Variants in AUTS2 observed in about 807,000 individuals in gnomAD.
AUTS2 encodes activator of transcription and developmental regulator AUTS2, also known as autism susceptibility gene 2 protein.
AUTS2 carries 17 observed loss-of-function variants against 112.4 expected under a neutral mutation model. The observed-to-expected ratio is 0.15, with a 90% CI of 0.10 to 0.23. The LOEUF is 0.23. AUTS2 is among the 10% of genes least tolerant of loss of function. AUTS2 has a pLI of 1.00. For missense variants in AUTS2, 1,510 were observed against 1,701.6 expected (o/e 0.89, Z 1.98); for synonymous variants, 751 against 702.7 (o/e 1.07, Z -1.09).
chr7:70,110,245 G>T lies in AUTS2; in HGVS notation c.523-7887G>T, dbSNP rs981544715. Among the ~76,000 whole-genome samples, 9 of 152,242 alleles carry T rather than the reference G, an allele frequency of 5.9e-5. No individual in the cohort carries two copies. The East Asian group carries it at 1.7e-3, about 29-fold the overall frequency. ...TTAAATTTTATTAGGGCTGGGCGCAGTGGCTCACGCCAGTAATCCCAACAC... is the reference window on the plus strand; with the variant it reads ...TTAAATTTTATTAGGGCTGGGCGCATTGGCTCACGCCAGTAATCCCAACAC... On this transcript the variant is annotated intron_variant, in intron 2 of 18. Coordinates refer to ENST00000342771, the MANE Select transcript of AUTS2 (RefSeq NM_015570.4).
At chr7:69,647,363 T>A (rs1391730885) in intron 1 of AUTS2, among the ~76,000 whole-genome samples, 1 of 151,944 alleles carries the variant, frequency 6.6e-6, no homozygotes, top group African/African-American at 2.4e-5. Flanking sequence ...CTATCTTTTT[T>A]TTTTTTTTTA....
rs767268365 is a variant in AUTS2, at chr7:70,765,025, G to A, written c.1468+20G>A. 6.2e-7 allele frequency: 1 copy of A among 1,613,116 alleles called. No homozygotes were observed. Among genetic ancestry groups the A allele is most frequent in the African/African-American group, 1.3e-5 (1 of 74,962 alleles). ...ACTCAGGTAGGACGGAGGGGCCTGT[G>A]CTCGTGACCCCGACCCCCACCGCCC... On this transcript the variant is annotated intron_variant, in intron 8 of 18. Coordinates refer to ENST00000342771, the MANE Select transcript of AUTS2 (RefSeq NM_015570.4).
chr7:70,335,212 G>A (rs984534805), intron 4 of AUTS2, among the ~76,000 whole-genome samples: 12 of 152,088 alleles, frequency 7.9e-5, no homozygotes, highest in Non-Finnish European at 4.4e-5. Context: ...CATTATGTGT[G>A]TCCCCAAGCC....
At chr7:70,673,868 C>T (rs1043141274) in intron 5 of AUTS2, among the ~76,000 whole-genome samples, 1 of 152,166 alleles carries the variant, frequency 6.6e-6, no homozygotes, top group Non-Finnish European at 1.5e-5. Context: ...TTAGTAAGTG[C>T]TTCTGTGTTT....
chr7:69,792,814 A>G (rs1255714943), intron 1 of AUTS2, among the ~76,000 whole-genome samples: 2 of 152,116 alleles, frequency 1.3e-5, no homozygotes, highest in Non-Finnish European at 2.9e-5. Context: ...CCCTACTCAG[A>G]GACATTTCGG....
At chr7:70,450,767 G>C (rs1318445146) in intron 5 of AUTS2, among the ~76,000 whole-genome samples, 1 of 152,040 alleles carries the variant, frequency 6.6e-6, no homozygotes, top group African/African-American at 2.4e-5. Flanking sequence ...GATTTGAGAG[G>C]TGATAGAGAT....
chr7:69,854,108 G>C (rs1792612314), intron 1 of AUTS2, among the ~76,000 whole-genome samples: 1 of 152,028 alleles, frequency 6.6e-6, no homozygotes, highest in African/African-American at 2.4e-5. Context: ...TCAAACTTAT[G>C]CTTTGCAGTT....
At chr7:70,646,334 G>A (rs545968492) in intron 5 of AUTS2, among the ~76,000 whole-genome samples, 51 of 152,314 alleles carry the variant, frequency 3.3e-4, no homozygotes, top group African/African-American at 1.2e-3. Flanking sequence ...TTTCACCAGA[G>A]GGGCCATTTC....
At chr7:69,892,421 G>A (rs951625876) in intron 1 of AUTS2, among the ~76,000 whole-genome samples, 3 of 151,970 alleles carry the variant, frequency 2.0e-5, no homozygotes, top group Non-Finnish European at 1.5e-5. Flanking sequence ...TGGGATTACA[G>A]GTGTGAGCCA....
At chr7:70,301,178 C>T (rs1789192509) in intron 4 of AUTS2, among the ~76,000 whole-genome samples, 1 of 151,976 alleles carries the variant, frequency 6.6e-6, no homozygotes, top group Non-Finnish European at 1.5e-5. Context: ...ATATTCATAC[C>T]ACATCTGTTA....
intron 4 of AUTS2, among the ~76,000 whole-genome samples, chr7:70,156,693 C>T (rs1167240337): frequency 2.0e-5 from 3 of 151,552 alleles, no homozygotes; most frequent in African/African-American, 7.3e-5. Context: ...CATTTTTGTG[C>T]TTAGGGAACA....
intron 5 of AUTS2, among the ~76,000 whole-genome samples, chr7:70,515,543 G>A (rs1002728916): frequency 1.3e-5 from 2 of 152,118 alleles, no homozygotes; most frequent in South Asian, 2.1e-4. Flanking sequence ...TCTACTTACC[G>A]GGTTAGAGAC....
chr7:69,926,491 C>G (rs1796019978), intron 2 of AUTS2, among the ~76,000 whole-genome samples: 1 of 151,780 alleles, frequency 6.6e-6, no homozygotes, highest in Non-Finnish European at 1.5e-5. Flanking sequence ...ATCTATCTAT[C>G]TGCCTGCCTA....
At chr7:70,606,163 G>A (rs924646920) in intron 5 of AUTS2, among the ~76,000 whole-genome samples, 3 of 152,124 alleles carry the variant, frequency 2.0e-5, no homozygotes, top group African/African-American at 4.8e-5. Context: ...CTTTTTGGGC[G>A]CTGGATAAGA....
chr7:69,788,630 T>C lies in AUTS2; in HGVS notation c.310-110656T>C, dbSNP rs558741300. Among the ~76,000 whole-genome samples the C allele has an allele frequency of 5.9e-5, 9 of 152,292 alleles. No individual in the cohort carries two copies. In the South Asian group the frequency reaches 1.7e-3, roughly 28 times the overall value. The stretch of plus-strand genomic sequence containing the variant: ...GAAGGGCACTTGGTTTTTGTGCAGC[T>C]CTTCAAGAACAGAAGCATCTAAGTA... On this transcript the variant is annotated intron_variant, in intron 1 of 18. Coordinates refer to ENST00000342771, the MANE Select transcript of AUTS2 (RefSeq NM_015570.4).
intron 5 of AUTS2, among the ~76,000 whole-genome samples, chr7:70,441,179 C>A (rs1302178902): frequency 6.6e-6 from 1 of 152,186 alleles, no homozygotes; most frequent in Non-Finnish European, 1.5e-5. Context: ...TCCTATCAAT[C>A]TTTTAACATG....
intron 6 of AUTS2, among the ~76,000 whole-genome samples, chr7:70,729,949 C>T (rs1410725245): frequency 6.6e-6 from 1 of 152,160 alleles, no homozygotes; most frequent in Non-Finnish European, 1.5e-5. Flanking sequence ...ATGGCGCAAT[C>T]TCGGCTCACT....
chr7:70,133,820 C>T (rs528702711), intron 3 of AUTS2, among the ~76,000 whole-genome samples: 1 of 152,182 alleles, frequency 6.6e-6, no homozygotes, highest in South Asian at 2.1e-4. Context: ...ACAAGTGATG[C>T]CCTGCATTCC....
chr7:69,894,592 T>A (rs1005353080), intron 1 of AUTS2, among the ~76,000 whole-genome samples: 1 of 152,120 alleles, frequency 6.6e-6, no homozygotes, highest in Non-Finnish European at 1.5e-5. Context: ...TAAGATCTGT[T>A]GGTACAAATT....
Sources: gnomAD v4.1 joint callset for allele counts (sites outside exome capture counted in the v4.1 genomes callset) on GRCh38, gnomAD v4.1.1 for gene constraint, MANE v1.5 for transcripts, NCBI Gene and HGNC (gene_info 2026-07-23, HGNC 2026-07-21) for gene names.